Variants in SNX24 observed in about 807,000 individuals in gnomAD.
SNX24 encodes sorting nexin-24.
In SNX24, 22 loss-of-function variants were observed where a neutral mutation model predicts 28.7. That is an observed-to-expected ratio of 0.77 (90% CI 0.55 to 1.10). The LOEUF (loss-of-function observed/expected upper bound fraction) is 1.10, where lower values mean the gene tolerates loss of function less well. Ranked by LOEUF, SNX24 falls within the 50% of genes least tolerant of loss-of-function variation. SNX24 has a pLI of 0.00. For synonymous variants in SNX24, 69 were observed against 71.5 expected (o/e 0.96, Z 0.18); for missense variants, 221 against 201.1 (o/e 1.10, Z -0.60).
intron 1 of SNX24, among the ~76,000 whole-genome samples, chr5:122,877,400 G>T (rs1756274006): frequency 6.6e-6 from 1 of 152,148 alleles, no homozygotes; most frequent in African/African-American, 2.4e-5. Flanking sequence ...TTTCCAAAGA[G>T]GTTAATTGAA....
chr5:122,970,508 G>T (rs186357736), intron 3 of SNX24, among the ~76,000 whole-genome samples: 6 of 151,950 alleles, frequency 3.9e-5, no homozygotes, highest in African/African-American at 1.2e-4. Context: ...TCGCTCTGTC[G>T]CCCAGGCTGG....
chr5:122,999,804 T>C (rs1762181553), intron 3 of SNX24, 108 bp from the exon 4 acceptor site: 1 of 740,940 alleles, frequency 1.3e-6, no homozygotes, highest in South Asian at 1.6e-5. Context: ...TGAGGAATGT[T>C]GCTGGTAAGA....
chr5:122,908,081 C>T (rs1757724848), intron 1 of SNX24, among the ~76,000 whole-genome samples: 1 of 152,156 alleles, frequency 6.6e-6, no homozygotes, highest in African/African-American at 2.4e-5. Context: ...ATAGACAAAA[C>T]AGTCAGGAGA....
chr5:122,853,679 G>T (rs1381440808), intron 1 of SNX24: 1 of 394,728 alleles, frequency 2.5e-6, no homozygotes, highest in African/African-American at 2.1e-5. Context: ...TACAGGTGAG[G>T]GTCTTGCAGT....
chr5:122,997,623 C>T (rs1173502890), intron 3 of SNX24, among the ~76,000 whole-genome samples: 1 of 152,164 alleles, frequency 6.6e-6, no homozygotes, highest in African/African-American at 2.4e-5. Context: ...CATTAATAAA[C>T]CTAAGTAACC....
At chr5:122,947,026 G>A (rs2150126062) in intron 3 of SNX24, among the ~76,000 whole-genome samples, 1 of 152,294 alleles carries the variant, frequency 6.6e-6, no homozygotes, top group South Asian at 2.1e-4. Flanking sequence ...CACTGGAGAA[G>A]CGACACATGA....
intron 1 of SNX24, among the ~76,000 whole-genome samples, chr5:122,851,547 T>C (rs894381365): frequency 2.6e-5 from 4 of 152,232 alleles, no homozygotes; most frequent in Non-Finnish European, 5.9e-5. Flanking sequence ...CGTGACTGCA[T>C]GTGTTATGCG....
intron 1 of SNX24, among the ~76,000 whole-genome samples, chr5:122,878,507 T>A (rs909406315): frequency 2.0e-5 from 3 of 151,986 alleles, no homozygotes; most frequent in African/African-American, 7.3e-5. Flanking sequence ...AGACAGTGAG[T>A]ACTTCAAGGT....
chr5:122,978,289 A>G (rs1581824801), intron 3 of SNX24, among the ~76,000 whole-genome samples: 1 of 152,250 alleles, frequency 6.6e-6, no homozygotes, highest in Admixed American at 6.5e-5. Context: ...TGTAATAGTT[A>G]TCTGGAAAAG....
chr5:123,000,806 GA>G (rs1286255356), intron 4 of SNX24, among the ~76,000 whole-genome samples: 14 of 152,264 alleles, frequency 9.2e-5, no homozygotes, highest in Non-Finnish European at 1.6e-4. Flanking sequence ...CAAACTCTCT[GA>G]AAATCCATGC....
At chr5:122,938,846 A>AGGAGAATGGCGTGAACCC in intron 2 of SNX24, among the ~76,000 whole-genome samples, 2 of 47,974 alleles carry the variant, frequency 4.2e-5, no homozygotes, top group Admixed American at 2.7e-4. Context: ...AGGCTGAGGC[A>AGGAGAATGGCGTGAACCC]GGAGAATGGC....
intron 3 of SNX24, among the ~76,000 whole-genome samples, chr5:122,950,981 A>T (rs1759911606): frequency 6.6e-6 from 1 of 152,106 alleles, no homozygotes; most frequent in Non-Finnish European, 1.5e-5. Flanking sequence ...GAAAATTTAA[A>T]GTCAGGCCGG....
intron 3 of SNX24, among the ~76,000 whole-genome samples, chr5:122,976,660 G>A (rs2150152705): frequency 6.6e-6 from 1 of 152,314 alleles, no homozygotes; most frequent in South Asian, 2.1e-4. Context: ...GAGTTTTTGG[G>A]AGGGACAAGT....
rs1228085223 is a variant in SNX24, at chr5:123,009,117, C to A, written c.*1368C>A. 1.0e-6 allele frequency: 1 copy of A among 985,266 alleles called. No homozygotes were observed. Among genetic ancestry groups the A allele is most frequent in the African/African-American group, 1.7e-5 (1 of 57,294 alleles). 61.0% of individuals were successfully genotyped at this position (985,266 alleles called of 1,614,324 possible). On this transcript the variant is annotated 3_prime_UTR_variant, in exon 7 of 7. Transcript: ENST00000261369. ...GAACTAAATAATCAAATGTTGTCAA[C>A]CAAAAGTAATAGTTGGGTATTGGAG... is the stretch of plus-strand genomic sequence containing the variant.
At position 122,936,804 on chromosome 5, in the gene SNX24, C is replaced by T. The variant is rs148714479; in HGVS notation, c.131C>T (p.Ala44Val). ...FVEKRYSEFH[A>V]LHKKLKKCIK... is the part of the protein sequence containing the mutation. ...GAAAAGAGATACAGCGAATTTCATG[C>T]TTTGCACAAAAAGGTAACTTGTTTT... The change falls in exon 2 of 7, where the codon GCT becomes GTT. Residue 44 changes from alanine to valine, a missense_variant. By Grantham distance (64) the Ala-to-Val change is moderately conservative. Transcript: ENST00000261369. 4 of 1,604,112 alleles carry T rather than the reference C, an allele frequency of 2.5e-6. No individual in the cohort carries two copies. The highest frequency in any genetic ancestry group is 3.4e-6 in the Non-Finnish European group (4 of 1,172,588).
chr5:123,027,773 C>T (rs1286233809), intron 5 of SNX24, among the ~76,000 whole-genome samples: 2 of 152,136 alleles, frequency 1.3e-5, no homozygotes, highest in South Asian at 2.1e-4. Flanking sequence ...AAATATCCAC[C>T]GAAACCAGTA....
chr5:122,894,668 TG>T (rs1166256603), intron 1 of SNX24, among the ~76,000 whole-genome samples: 26 of 152,338 alleles, frequency 1.7e-4, no homozygotes, highest in Non-Finnish European at 1.5e-5. Context: ...CTAGGTCATA[TG>T]GTGAAGAATA....
intron 2 of SNX24, among the ~76,000 whole-genome samples, chr5:122,938,529 A>G (rs1333465884): frequency 6.6e-6 from 1 of 152,174 alleles, no homozygotes; most frequent in African/African-American, 2.4e-5. Context: ...TGTGGAGCAG[A>G]GTTTTATTTG....
At chr5:122,914,811 C>A (rs184932039) in intron 1 of SNX24, among the ~76,000 whole-genome samples, 27 of 152,178 alleles carry the variant, frequency 1.8e-4, no homozygotes, top group Non-Finnish European at 2.9e-5. Context: ...GTCTTGCTAG[C>A]GGTCTATCAA....
Sources: gnomAD v4.1 joint callset for allele counts (sites outside exome capture counted in the v4.1 genomes callset) on GRCh38, gnomAD v4.1.1 for gene constraint, MANE v1.5 for transcripts, NCBI Gene and HGNC (gene_info 2026-07-23, HGNC 2026-07-21) for gene names.